OCRL: variants seen among roughly 807,000 people sequenced by gnomAD.
OCRL encodes OCRL inositol polyphosphate-5-phosphatase.
OCRL carries 8 observed loss-of-function variants against 78.9 expected under a neutral mutation model. That is an observed-to-expected ratio of 0.10 (90% CI 0.06 to 0.18). The LOEUF is 0.18. OCRL is among the 10% of genes least tolerant of loss of function. The pLI is 1.00. For synonymous variants in OCRL, 240 were observed against 235.4 expected, an observed-to-expected ratio of 1.02 and a Z score of -0.18; for missense variants, 454 against 696.7, an observed-to-expected ratio of 0.65 and a Z score of 3.92.
intron 18 of OCRL, among the ~76,000 whole-genome samples, chrX:129,580,640 C>G (rs969699782): frequency 4.5e-5 from 5 of 111,621 alleles, no homozygotes; most frequent in Admixed American, 1.9e-4. Context: ...GGTAGAGAAA[C>G]TATATTTGCT....
Position 129,575,126 on chromosome X carries a change from A to T in OCRL, c.1603-14A>T. 8.9e-7 allele frequency: 1 copy of T among 1,120,369 alleles called. No individual in the cohort carries two copies. The highest frequency in any genetic ancestry group is 1.8e-5 in the South Asian group (1 of 55,050). 92.3% of individuals were successfully genotyped at this position (1,120,369 alleles called of 1,213,427 possible). A position where few individuals can be genotyped will look rare whatever the true frequency, so the allele number is the denominator to read the frequency against. The stretch of plus-strand genomic sequence containing the variant: ...AAGGATATAAGACTGAAAAGAGGAT[A>T]CATTTTCTTTCAGGTGAAGGTTGTG... On this transcript the variant is annotated splice_polypyrimidine_tract_variant and intron_variant, in intron 15 of 23. Transcript: ENST00000371113.
chrX:129,566,927 A>T (rs1475489076), intron 13 of OCRL, among the ~76,000 whole-genome samples: 1 of 112,254 alleles, frequency 8.9e-6, no homozygotes, highest in African/African-American at 3.2e-5. Flanking sequence ...CTTTAAATTA[A>T]AATTGTGCTG....
Position 129,540,307 on chromosome X carries a change from G to A in OCRL, c.-133G>A. The stretch of plus-strand genomic sequence containing the variant: ...TCCCAGCTCCCCGCTCCCGGCTCCC[G>A]GCGCCCGGCGCCCGGCGCGGAGCTG... On this transcript the variant is annotated 5_prime_UTR_variant, in exon 1 of 24. Coordinates refer to ENST00000371113, the MANE Select transcript of OCRL (RefSeq NM_000276.4). The A allele has an allele frequency of 2.8e-6, 2 of 714,012 alleles. No homozygotes were observed. The highest frequency in any genetic ancestry group is 2.4e-5 in the South Asian group (1 of 42,528). 58.8% of individuals were successfully genotyped at this position (714,012 alleles called of 1,213,427 possible).
Position 129,557,934 on chromosome X carries a change from A to G in OCRL, c.423A>G (p.Lys141=), listed in dbSNP as rs767807738. The G allele has an allele frequency of 1.8e-5, 21 of 1,185,533 alleles. No individual in the cohort carries two copies. In the South Asian group the frequency reaches 3.7e-4, roughly 21 times the overall value. The change falls in exon 6 of 24, where the codon AAA becomes AAG. Residue 141 remains lysine, a synonymous_variant. Coordinates refer to ENST00000371113, the MANE Select transcript of OCRL (RefSeq NM_000276.4). ...SWYQKLDTKD[K]PSVFSGLLGF... ...ACCAGAAATTAGACACTAAGGACAA[A>G]CCTTCTGTTTTTTCAGGTACTAAAA...
chrX:129,566,628 C>T (rs1193703637), intron 13 of OCRL, among the ~76,000 whole-genome samples: 2 of 112,126 alleles, frequency 1.8e-5, no homozygotes, highest in Non-Finnish European at 3.8e-5. Context: ...ATCTTTAAAT[C>T]GTTATGAGAG....
At position 129,590,720 on chromosome X, in the gene OCRL, G is replaced by A; in HGVS notation, c.*450G>A. The stretch of plus-strand genomic sequence containing the variant: ...CCACCCCTTCCTGGATCACTCCTTT[G>A]CACTCCACTCCCCTCGTTCTGTCAC... On this transcript the variant is annotated 3_prime_UTR_variant, in exon 24 of 24. Transcript: ENST00000371113. The A allele has an allele frequency of 2.3e-5, 4 of 174,006 alleles. No homozygotes were observed. The highest frequency in any genetic ancestry group is 3.2e-5 in the Non-Finnish European group (3 of 92,312). The allele number at this position is 174,006 out of a possible 1,213,427, so 14.3% of individuals were successfully genotyped here. A position where few individuals can be genotyped will look rare whatever the true frequency, so the allele number is the denominator to read the frequency against.
intron 14 of OCRL, among the ~76,000 whole-genome samples, chrX:129,568,211 C>T (rs902777956): frequency 2.1e-4 from 23 of 111,955 alleles, no homozygotes; most frequent in Non-Finnish European, 2.4e-4. Context: ...CCACCGCGCC[C>T]GGCCAGTAGA....
rs184485886 is a variant in OCRL, at chrX:129,544,107, C to A, written c.120-851C>A. On this transcript the variant is annotated intron_variant, in intron 2 of 23. Transcript: ENST00000371113. ...TCGGAAAGAAACAGAGTGTTCCTGA[C>A]AAAAAACTAAAAACAATACTTGAAG... is the stretch of plus-strand genomic sequence containing the variant. Among the ~76,000 whole-genome samples the A allele has an allele frequency of 2.5e-3, 275 of 110,689 alleles. 3 individuals carry two copies. The highest frequency in any genetic ancestry group is 8.4e-3 in the African/African-American group (257 of 30,479).
chrX:129,549,684 A>G (rs1935933992), intron 4 of OCRL: 1 of 112,559 alleles, frequency 8.9e-6, no homozygotes, highest in African/African-American at 3.2e-5. Flanking sequence ...AAAAAGCAAA[A>G]CTAGAACAAA....
At chrX:129,561,326 T>C (rs1441199153) in intron 10 of OCRL, 33 bp downstream of exon 10, 1 of 900,302 alleles carries the variant, frequency 1.1e-6, no homozygotes. Flanking sequence ...TTTAAGTGTA[T>C]GACTAAATAG....
intron 2 of OCRL, among the ~76,000 whole-genome samples, chrX:129,544,016 G>A (rs940576467): frequency 3.6e-5 from 4 of 110,849 alleles, no homozygotes. Context: ...AAGGCGATAA[G>A]GCTGCTGGTT....
intron 2 of OCRL, among the ~76,000 whole-genome samples, chrX:129,543,570 A>G (rs762965963): frequency 1.8e-5 from 2 of 113,245 alleles, no homozygotes; most frequent in African/African-American, 3.2e-5. Flanking sequence ...TCCTGTAATC[A>G]CCTTAGAGTA....
chrX:129,570,757 G>A (rs1936289268), intron 15 of OCRL, among the ~76,000 whole-genome samples: 1 of 112,485 alleles, frequency 8.9e-6, no homozygotes, highest in South Asian at 3.6e-4. Context: ...AACGCTTTGA[G>A]TTAAATACAG....
At chrX:129,567,418 AC>A in intron 14 of OCRL, 55 bp downstream of exon 14, 3 of 884,123 alleles carry the variant, frequency 3.4e-6, no homozygotes, top group Non-Finnish European at 5.0e-6. Context: ...CTTATTTCTG[AC>A]CCTCCATATT....
In OCRL at chrX:129,547,524, C is replaced by CAAA. The variant is rs1177506776; in HGVS notation, c.200-1022_200-1020dup. On this transcript the variant is annotated intron_variant, in intron 3 of 23. Coordinates refer to ENST00000371113, the MANE Select transcript of OCRL (RefSeq NM_000276.4). ...TGGGTGACAGAGCAAGACTCCGTCTCAAAAAAAAAAAAAAAAAAAGAAAAA... is the reference window on the plus strand; with the variant it reads ...TGGGTGACAGAGCAAGACTCCGTCTCAAAAAAAAAAAAAAAAAAAAAAGAAAAA... 3.5e-3 allele frequency among the ~76,000 whole-genome samples: 122 copies of CAAA among 34,973 alleles called. 2 individuals are homozygous for CAAA. The highest frequency in any genetic ancestry group is 9.7e-3 in the African/African-American group (105 of 10,777). 30.4% of individuals were successfully genotyped at this position (34,973 alleles called of 115,157 possible).
At chrX:129,579,391 A>G (rs1193753097) in intron 18 of OCRL, among the ~76,000 whole-genome samples, 3 of 111,448 alleles carry the variant, frequency 2.7e-5, no homozygotes, top group South Asian at 7.6e-4. Context: ...GCTGTTAATA[A>G]TGGTACCTGC....
At chrX:129,578,854 A>G (rs1474683205) in intron 18 of OCRL, among the ~76,000 whole-genome samples, 1 of 110,320 alleles carries the variant, frequency 9.1e-6, no homozygotes, top group Non-Finnish European at 1.9e-5. Flanking sequence ...ATTAAATTGT[A>G]TGTGTGTGGA....
chrX:129,547,306 A>G (rs1376008751), intron 3 of OCRL, among the ~76,000 whole-genome samples: 4 of 110,312 alleles, frequency 3.6e-5, no homozygotes, highest in Non-Finnish European at 7.6e-5. Context: ...TGGGCAGATC[A>G]CAAGGTCAGG....
At chrX:129,555,860 C>T (rs894653925) in intron 4 of OCRL, among the ~76,000 whole-genome samples, 4 of 111,886 alleles carry the variant, frequency 3.6e-5, no homozygotes, top group African/African-American at 1.3e-4. Context: ...TCTTTTAAAA[C>T]CACATTTAGT....
Sources: gnomAD v4.1 joint callset for allele counts (sites outside exome capture counted in the v4.1 genomes callset) on GRCh38, gnomAD v4.1.1 for gene constraint, MANE v1.5 for transcripts, NCBI Gene and HGNC (gene_info 2026-07-23, HGNC 2026-07-21) for gene names.